GABRB2: variants seen among roughly 807,000 people sequenced by gnomAD.
GABRB2 encodes the protein gamma-aminobutyric acid receptor subunit beta-2.
Under a neutral mutation model 54.7 loss-of-function variants are expected in GABRB2, and 16 were observed. The observed-to-expected ratio is 0.29, with a 90% CI of 0.20 to 0.44. The LOEUF is 0.44. Among genes scored for constraint, GABRB2 ranks in the 20% least tolerant of loss-of-function variants. The pLI is 1.00. For missense variants in GABRB2, 355 were observed against 644.0 expected (o/e 0.55, Z 4.86); for synonymous variants, 244 against 233.8 (o/e 1.04, Z -0.40).
intron 5 of GABRB2, among the ~76,000 whole-genome samples, chr5:161,369,063 A>ATGGGTTACTTAGT (rs1163943701): frequency 6.6e-6 from 1 of 152,232 alleles, no homozygotes; most frequent in Non-Finnish European, 1.5e-5. Context: ...AGTAATGCCT[A>ATGGGTTACTTAGT]TGGGCCCCAC....
chr5:161,364,611 T>C (rs1015209023), intron 5 of GABRB2, among the ~76,000 whole-genome samples: 2 of 152,202 alleles, frequency 1.3e-5, no homozygotes, highest in Non-Finnish European at 2.9e-5. Flanking sequence ...TGTACTTCCC[T>C]CTGTATACAT....
chr5:161,389,175 G>A (rs891501507), intron 5 of GABRB2, among the ~76,000 whole-genome samples: 6 of 151,938 alleles, frequency 3.9e-5, no homozygotes, highest in African/African-American at 1.4e-4. Context: ...AACAGAGAGT[G>A]GGAACAATTC....
At chr5:161,527,771 A>G (rs1311409141) in intron 3 of GABRB2, among the ~76,000 whole-genome samples, 1 of 151,612 alleles carries the variant, frequency 6.6e-6, no homozygotes, top group Non-Finnish European at 1.5e-5. Context: ...CATGGAAATT[A>G]ACTATTTTAC....
At chr5:161,296,664 T>TA (rs33932697) in intron 9 of GABRB2, among the ~76,000 whole-genome samples, 33 of 150,584 alleles carry the variant, frequency 2.2e-4, no homozygotes, top group Admixed American at 4.6e-4. Context: ...ATTCATGAAT[T>TA]AAAAAAAAAA....
rs371013837 is a variant in GABRB2 at position 161,534,871 on chromosome 5, T to A, written c.237+10356A>T. Among the ~76,000 whole-genome samples the A allele has an allele frequency of 1.7e-3, 252 of 152,194 alleles. 3 individuals are homozygous for A. Among genetic ancestry groups the A allele is most frequent in the African/African-American group, 5.8e-3 (243 of 41,556 alleles). On this transcript the variant is annotated intron_variant, in intron 3 of 9. Transcript: ENST00000393959. ...TGCAGGAGCAATTTCTCAGTAAGCA[T>A]AAAAATTCATTCTCATTATTGAAAA... is the stretch of plus-strand genomic sequence containing the variant.
intron 9 of GABRB2, among the ~76,000 whole-genome samples, chr5:161,325,535 A>C (rs1758337075): frequency 6.6e-6 from 1 of 152,126 alleles, no homozygotes; most frequent in Non-Finnish European, 1.5e-5. Flanking sequence ...GGATAGCCTG[A>C]TACTTAGAAG....
intron 3 of GABRB2, among the ~76,000 whole-genome samples, chr5:161,476,541 T>C (rs1342853492): frequency 6.6e-6 from 1 of 151,912 alleles, no homozygotes; most frequent in Non-Finnish European, 1.5e-5. Context: ...ACTTCAAAAC[T>C]TATTACTAAG....
chr5:161,440,573 C>G (rs1470328296), intron 4 of GABRB2, among the ~76,000 whole-genome samples: 1 of 151,922 alleles, frequency 6.6e-6, no homozygotes, highest in Non-Finnish European at 1.5e-5. Flanking sequence ...ATTGGAGCAC[C>G]CAGATACATA....
chr5:161,527,007 C>A (rs1442637166), intron 3 of GABRB2, among the ~76,000 whole-genome samples: 2 of 151,156 alleles, frequency 1.3e-5, no homozygotes, highest in African/African-American at 2.4e-5. Flanking sequence ...TTTTAAATTG[C>A]CAAAACTTAA....
At chr5:161,352,346 T>C (rs1389215744) in intron 5 of GABRB2, among the ~76,000 whole-genome samples, 2 of 151,880 alleles carry the variant, frequency 1.3e-5, no homozygotes, top group Non-Finnish European at 2.9e-5. Context: ...TTGGTATATA[T>C]ACCTAGTGAA....
At chr5:161,392,549 G>GGGA (rs370923454) in intron 5 of GABRB2, among the ~76,000 whole-genome samples, 82 of 152,236 alleles carry the variant, frequency 5.4e-4, no homozygotes, top group African/African-American at 1.9e-3. Flanking sequence ...CAAACAGCCT[G>GGGA]GGACCAAATT....
chr5:161,310,027 C>T (rs1757816162), intron 9 of GABRB2, among the ~76,000 whole-genome samples: 1 of 152,158 alleles, frequency 6.6e-6, no homozygotes, highest in Admixed American at 6.5e-5. Flanking sequence ...ATGGATGGAG[C>T]TGGAGGCCAT....
At chr5:161,307,863 CT>C (rs34485396) in intron 9 of GABRB2, among the ~76,000 whole-genome samples, 20,119 of 139,860 alleles carry the variant, frequency 0.14, 1,778 homozygotes, top group African/African-American at 0.26. Context: ...AAGACTAATT[CT>C]TTTTTTTTTT....
chr5:161,348,164 T>G (rs1255481458), intron 5 of GABRB2, among the ~76,000 whole-genome samples: 1 of 152,066 alleles, frequency 6.6e-6, no homozygotes, highest in African/African-American at 2.4e-5. Flanking sequence ...TGCAACATTA[T>G]TAAGGATTAC....
intron 3 of GABRB2, among the ~76,000 whole-genome samples, chr5:161,514,180 T>G (rs981256376): frequency 6.6e-6 from 1 of 152,126 alleles, no homozygotes; most frequent in Admixed American, 6.6e-5. Context: ...CAAATGTGTT[T>G]GCTGATTATA....
intron 9 of GABRB2, among the ~76,000 whole-genome samples, chr5:161,323,993 T>G (rs1714605514): frequency 6.6e-6 from 1 of 152,174 alleles, no homozygotes; most frequent in Non-Finnish European, 1.5e-5. Flanking sequence ...CAATGTGATG[T>G]TTATTTTATA....
chr5:161,312,014 T>A (rs1757882911), intron 9 of GABRB2, among the ~76,000 whole-genome samples: 2 of 134,578 alleles, frequency 1.5e-5, no homozygotes, highest in Admixed American at 1.4e-4. Flanking sequence ...TAATCAGTAA[T>A]GTTTTGTGTG....
At chr5:161,517,156 G>C (rs1759973949) in intron 3 of GABRB2, among the ~76,000 whole-genome samples, 1 of 152,084 alleles carries the variant, frequency 6.6e-6, no homozygotes, top group South Asian at 2.1e-4. Context: ...AGGTGTTTGG[G>C]ACCCAGCCTT....
chr5:161,507,960 A>G (rs1178046919), intron 3 of GABRB2, among the ~76,000 whole-genome samples: 1 of 151,994 alleles, frequency 6.6e-6, no homozygotes, highest in Non-Finnish European at 1.5e-5. Context: ...ATAAAGTTAA[A>G]CATACATCTA....
Sources: gnomAD v4.1 joint callset for allele counts (sites outside exome capture counted in the v4.1 genomes callset) on GRCh38, gnomAD v4.1.1 for gene constraint, MANE v1.5 for transcripts, NCBI Gene and HGNC (gene_info 2026-07-23, HGNC 2026-07-21) for gene names.